Variants in NXPE2 observed in about 807,000 individuals in gnomAD.
NXPE2 encodes the protein neurexophilin and PC-esterase domain family member 2.
NXPE2 carries 34 observed loss-of-function variants against 34.4 expected under a neutral mutation model. The observed-to-expected ratio is 0.99, with a 90% confidence interval of 0.75 to 1.31. The LOEUF (loss-of-function observed/expected upper bound fraction) is 1.31, where lower values mean the gene tolerates loss of function less well. Ranked by LOEUF, NXPE2 falls within the 40% of genes most tolerant of loss-of-function variation. NXPE2 has a pLI of 0.00. For synonymous variants in NXPE2, 235 were observed against 231.3 expected (o/e 1.02, Z -0.15); for missense variants, 649 against 672.5 (o/e 0.97, Z 0.39).
chr11:114,685,078 A>T (rs571027018), intron 2 of NXPE2, among the ~76,000 whole-genome samples: 1 of 152,198 alleles, frequency 6.6e-6, no homozygotes, highest in Non-Finnish European at 1.5e-5. Context: ...AATTGGTGAT[A>T]GTTGGTCAGA....
the NXPE2 span, among the ~76,000 whole-genome samples, chr11:114,659,188 C>T: frequency 6.6e-6 from 1 of 152,118 alleles, no homozygotes; most frequent in Non-Finnish European, 1.5e-5. Flanking sequence ...TTAATCTATA[C>T]TGTTTTAAAC....
At chr11:114,739,280 TTTCCTTCCTTCCTTCCTTCCTTCC>T in the NXPE2 span, among the ~76,000 whole-genome samples, 27 of 96,938 alleles carry the variant, frequency 2.8e-4, no homozygotes, top group South Asian at 1.2e-3. Flanking sequence ...TTGCCATTAT[TTTCCTTCCTTCCTTCCTTCCTTCC>T]TTCCTTCCTT....
the NXPE2 span, chr11:114,571,334 C>T: frequency 6.2e-7 from 1 of 1,614,012 alleles, no homozygotes; most frequent in Middle Eastern, 1.7e-4. Context: ...TGAGGTACTC[C>T]ATCTCTTTGA....
At chr11:114,524,125 G>A in the NXPE2 span, among the ~76,000 whole-genome samples, 2 of 152,130 alleles carry the variant, frequency 1.3e-5, no homozygotes, top group African/African-American at 2.4e-5. Flanking sequence ...TCTAAAGTTC[G>A]GCTAGTAGTA....
the NXPE2 span, among the ~76,000 whole-genome samples, chr11:114,761,683 C>T: frequency 6.6e-6 from 1 of 150,958 alleles, no homozygotes; most frequent in African/African-American, 2.4e-5. Context: ...ACGCCATTCT[C>T]CTGCCTCAGC....
the NXPE2 span, among the ~76,000 whole-genome samples, chr11:114,771,613 G>A: frequency 6.6e-6 from 1 of 152,124 alleles, no homozygotes; most frequent in Non-Finnish European, 1.5e-5. Context: ...CAGTCCTCGT[G>A]AGTGCTCACT....
the NXPE2 span, chr11:114,522,961 G>A: frequency 1.2e-6 from 2 of 1,613,398 alleles, no homozygotes; most frequent in Admixed American, 1.7e-5. Context: ...CTTTCAAACA[G>A]CCATTTATCT....
the NXPE2 span, among the ~76,000 whole-genome samples, chr11:114,793,477 C>G: frequency 1.3e-5 from 2 of 152,084 alleles, no homozygotes; most frequent in Non-Finnish European, 2.9e-5. Flanking sequence ...TTGTTTGGAA[C>G]TGACTGTAGA....
the NXPE2 span, among the ~76,000 whole-genome samples, chr11:114,766,312 C>T: frequency 6.6e-6 from 1 of 152,282 alleles, no homozygotes; most frequent in Admixed American, 6.5e-5. Context: ...AAAACTTCTT[C>T]CATGACAATC....
chr11:114,589,142 G>T, the NXPE2 span, among the ~76,000 whole-genome samples: 1 of 152,126 alleles, frequency 6.6e-6, no homozygotes, highest in Non-Finnish European at 1.5e-5. Context: ...GAAGCAAGAA[G>T]AAGCCACCTC....
the NXPE2 span, among the ~76,000 whole-genome samples, chr11:114,725,988 TATATAA>T: frequency 8.6e-5 from 12 of 139,600 alleles, 1 homozygote; most frequent in Non-Finnish European, 1.6e-4. Flanking sequence ...TATATATATA[TATATAA>T]AAAGAAAAAG....
the NXPE2 span, among the ~76,000 whole-genome samples, chr11:114,562,131 C>A: frequency 6.6e-6 from 1 of 152,146 alleles, no homozygotes; most frequent in South Asian, 2.1e-4. Flanking sequence ...GTGCTTTATG[C>A]CTCTCTTTCA....
chr11:114,756,966 T>C, the NXPE2 span, among the ~76,000 whole-genome samples: 1 of 152,116 alleles, frequency 6.6e-6, no homozygotes, highest in Non-Finnish European at 1.5e-5. Context: ...CACTGCAGGA[T>C]TAGTAGACTT....
the NXPE2 span, chr11:114,522,217 G>A: frequency 6.2e-7 from 1 of 1,614,028 alleles, no homozygotes; most frequent in South Asian, 1.1e-5. Context: ...GGCTTCTTAG[G>A]AACAGTCTTT....
the NXPE2 span, among the ~76,000 whole-genome samples, chr11:114,578,383 TC>T: frequency 6.6e-6 from 1 of 152,194 alleles, no homozygotes; most frequent in Admixed American, 6.6e-5. Flanking sequence ...GGTAGGTAAC[TC>T]CATAACTCAG....
chr11:114,711,053 T>C (rs1373995942), downstream of NXPE2, among the ~76,000 whole-genome samples: 1 of 152,064 alleles, frequency 6.6e-6, no homozygotes, highest in East Asian at 1.9e-4. Context: ...CCTTTCATGA[T>C]AAAAACAATC....
At chr11:114,777,247 G>T in the NXPE2 span, among the ~76,000 whole-genome samples, 2 of 152,200 alleles carry the variant, frequency 1.3e-5, no homozygotes, top group Admixed American at 1.3e-4. Flanking sequence ...AGTGGAAGTT[G>T]AGTAGCTTTG....
chr11:114,802,730 A>G, the NXPE2 span, among the ~76,000 whole-genome samples: 1 of 152,120 alleles, frequency 6.6e-6, no homozygotes, highest in Non-Finnish European at 1.5e-5. Context: ...GTCTGTCTAT[A>G]TCTCCAAGTA....
chr11:114,685,827 C>T (rs188051628), intron 2 of NXPE2, among the ~76,000 whole-genome samples: 1 of 152,078 alleles, frequency 6.6e-6, no homozygotes, highest in East Asian at 1.9e-4. Flanking sequence ...ATTTGTGTCT[C>T]GTATGTTGCA....
Sources: gnomAD v4.1 joint callset for allele counts (sites outside exome capture counted in the v4.1 genomes callset) on GRCh38, gnomAD v4.1.1 for gene constraint, MANE v1.5 for transcripts, NCBI Gene and HGNC (gene_info 2026-07-23, HGNC 2026-07-21) for gene names.